The following DPYD variants were observed in gnomAD, a reference collection of about 807,000 sequenced individuals.
DPYD encodes dihydropyrimidine dehydrogenase, also known as dihydropyrimidine dehydrogenase [NADP(+)].
A neutral mutation model predicts 116.2 loss-of-function variants in DPYD; 109 were observed. The observed-to-expected ratio is 0.94, with a 90% confidence interval of 0.80 to 1.10. The LOEUF (loss-of-function observed/expected upper bound fraction) is 1.10, where lower values mean the gene tolerates loss of function less well. DPYD is among the 50% of genes least tolerant of loss of function. DPYD has a pLI of 0.00. For synonymous variants in DPYD, 440 were observed against 432.0 expected (o/e 1.02, Z -0.23); for missense variants, 1,302 against 1,254.5 (o/e 1.04, Z -0.57).
At chr1:97,249,235 G>A (rs1344041610) in intron 18 of DPYD, among the ~76,000 whole-genome samples, 1 of 151,560 alleles carries the variant, frequency 6.6e-6, no homozygotes. Context: ...TAGAATATAC[G>A]ACAAATAAGT....
At chr1:97,585,666 T>C (rs1007730451) in intron 10 of DPYD, among the ~76,000 whole-genome samples, 1 of 152,222 alleles carries the variant, frequency 6.6e-6, no homozygotes, top group Non-Finnish European at 1.5e-5. Flanking sequence ...GAATAGCATA[T>C]ACATTGACTA....
At chr1:97,376,121 T>C (rs956939150) in intron 15 of DPYD, among the ~76,000 whole-genome samples, 2 of 152,162 alleles carry the variant, frequency 1.3e-5, no homozygotes, top group African/African-American at 4.8e-5. Context: ...TACTTTACAA[T>C]TGATAAAACT....
At chr1:97,788,415 A>G (rs1667151645) in intron 3 of DPYD, among the ~76,000 whole-genome samples, 1 of 152,196 alleles carries the variant, frequency 6.6e-6, no homozygotes, top group Non-Finnish European at 1.5e-5. Flanking sequence ...CAGATACCTT[A>G]GCTGACGATC....
At chr1:97,877,163 A>T (rs1671963805) in intron 2 of DPYD, among the ~76,000 whole-genome samples, 1 of 152,038 alleles carries the variant, frequency 6.6e-6, no homozygotes, top group African/African-American at 2.4e-5. Flanking sequence ...AATGACTGTC[A>T]TCTTTTCAAG....
chr1:97,167,682 T>C (rs1656427847), intron 20 of DPYD, among the ~76,000 whole-genome samples: 1 of 152,156 alleles, frequency 6.6e-6, no homozygotes, highest in African/African-American at 2.4e-5. Flanking sequence ...AGCATATTCA[T>C]TGTTGATTTT....
chr1:97,277,414 TAAAC>T (rs768213090), intron 18 of DPYD, among the ~76,000 whole-genome samples: 11 of 150,182 alleles, frequency 7.3e-5, no homozygotes, highest in South Asian at 4.3e-4. Context: ...AACAAACAAA[TAAAC>T]AAACAAACAA....
chr1:97,179,989 AT>A (rs1209691462), intron 20 of DPYD, among the ~76,000 whole-genome samples: 5 of 152,154 alleles, frequency 3.3e-5, no homozygotes, highest in Admixed American at 1.3e-4. Flanking sequence ...GAGACTGCCA[AT>A]TATTCAGGGC....
intron 5 of DPYD, chr1:97,720,632 T>G (rs1036956517): frequency 5.6e-6 from 7 of 1,248,498 alleles, no homozygotes; most frequent in Non-Finnish European, 7.0e-6. Context: ...TTGAGGAATA[T>G]TATGGGAAGG....
At chr1:97,733,838 C>A (rs1190870965) in intron 4 of DPYD, among the ~76,000 whole-genome samples, 3 of 151,950 alleles carry the variant, frequency 2.0e-5, no homozygotes, top group Non-Finnish European at 2.9e-5. Context: ...TCAACTTCAA[C>A]AATTTGATGA....
chr1:97,448,049 C>A (rs1462528273), intron 14 of DPYD, among the ~76,000 whole-genome samples: 6 of 151,984 alleles, frequency 3.9e-5, no homozygotes, highest in Admixed American at 3.9e-4. Flanking sequence ...CATAGCGAGA[C>A]ATCATCTCTA....
intron 20 of DPYD, among the ~76,000 whole-genome samples, chr1:97,123,825 T>C (rs971815622): frequency 1.9e-4 from 29 of 152,162 alleles, no homozygotes; most frequent in Non-Finnish European, 3.7e-4. Context: ...CAATTTCCTC[T>C]ATAGTTGCTG....
chr1:97,500,479 T>C (rs557460578), intron 13 of DPYD, among the ~76,000 whole-genome samples: 31 of 152,174 alleles, frequency 2.0e-4, no homozygotes, highest in African/African-American at 6.0e-4. Flanking sequence ...TGTCTTCTAA[T>C]CAGTCATTTT....
intron 14 of DPYD, among the ~76,000 whole-genome samples, chr1:97,432,583 T>C (rs1675245095): frequency 6.6e-6 from 1 of 152,126 alleles, no homozygotes; most frequent in African/African-American, 2.4e-5. Context: ...TATGTGTGGG[T>C]CTGCTTCTAT....
chr1:97,588,424 AT>A (rs1386354334), intron 10 of DPYD, among the ~76,000 whole-genome samples: 2 of 152,200 alleles, frequency 1.3e-5, no homozygotes, highest in African/African-American at 2.4e-5. Context: ...AATAAGAAAT[AT>A]AAAGTCCTTC....
chr1:97,616,878 C>A (rs778387963), intron 8 of DPYD, among the ~76,000 whole-genome samples: 1 of 152,074 alleles, frequency 6.6e-6, no homozygotes, highest in Non-Finnish European at 1.5e-5. Flanking sequence ...AAAATTAAGG[C>A]TATGAAAGTT....
intron 7 of DPYD, among the ~76,000 whole-genome samples, chr1:97,681,488 TATA>T (rs1660426059): frequency 6.6e-6 from 1 of 152,132 alleles, no homozygotes; most frequent in South Asian, 2.1e-4. Flanking sequence ...TCAGAAAGTT[TATA>T]ATAAGGGGAC....
At chr1:97,483,903 T>C (rs1678467131) in intron 13 of DPYD, among the ~76,000 whole-genome samples, 1 of 152,196 alleles carries the variant, frequency 6.6e-6, no homozygotes, top group African/African-American at 2.4e-5. Flanking sequence ...AAAAATTATC[T>C]TCTTTATACA....
intron 13 of DPYD, among the ~76,000 whole-genome samples, chr1:97,460,510 A>G (rs1165113408): frequency 6.6e-6 from 1 of 152,170 alleles, no homozygotes; most frequent in Non-Finnish European, 1.5e-5. Context: ...GACACCCTGA[A>G]GTATGGTGCG....
rs11165912 is a variant in DPYD at position 97,808,669 on chromosome 1, C to T, written c.233+19445G>A. ...GCTGCCAGTATGATGCCAAAAAGCA[C>T]TGGTCAGAACGAACATCCTTGCCTT... On this transcript the variant is annotated intron_variant, in intron 3 of 22. Transcript: ENST00000370192. Among the ~76,000 whole-genome samples, 4 of 151,950 alleles carry T rather than the reference C, an allele frequency of 2.6e-5. No homozygotes were observed. The East Asian group carries it at 7.7e-4, about 29-fold the overall frequency.
Sources: gnomAD v4.1 joint callset for allele counts (sites outside exome capture counted in the v4.1 genomes callset) on GRCh38, gnomAD v4.1.1 for gene constraint, MANE v1.5 for transcripts, NCBI Gene and HGNC (gene_info 2026-07-23, HGNC 2026-07-21) for gene names.